Variants in PCDH9 observed in about 807,000 individuals in gnomAD.
PCDH9 encodes protocadherin 9, also known as protocadherin-9.
In PCDH9, 24 loss-of-function variants were observed where a neutral mutation model predicts 70.6. The ratio of observed to expected loss-of-function variants is 0.34; its 90% CI spans 0.25 to 0.48. The LOEUF (loss-of-function observed/expected upper bound fraction) is 0.48. PCDH9 is among the 20% of genes least tolerant of loss of function. The pLI, the probability that PCDH9 is intolerant of heterozygous loss-of-function variation, is 0.99. For missense variants in PCDH9, 1,281 were observed against 1,503.6 expected, an observed-to-expected ratio of 0.85 and a Z score of 2.45; for synonymous variants, 562 against 558.5, an observed-to-expected ratio of 1.01 and a Z score of -0.09.
At chr13:66,933,651 C>T (rs1259459178) in intron 2 of PCDH9, among the ~76,000 whole-genome samples, 1 of 152,092 alleles carries the variant, frequency 6.6e-6, no homozygotes, top group Admixed American at 6.6e-5. Context: ...CTTTTTCTGT[C>T]AAGACAAAAT....
chr13:66,688,962 G>GA (rs2078444091), intron 3 of PCDH9, among the ~76,000 whole-genome samples: 2 of 152,120 alleles, frequency 1.3e-5, no homozygotes, highest in African/African-American at 4.8e-5. Flanking sequence ...AGCTGTGTAG[G>GA]AAAAATCTAT....
At chr13:66,637,318 T>C (rs1475397235) in intron 3 of PCDH9, among the ~76,000 whole-genome samples, 1 of 152,206 alleles carries the variant, frequency 6.6e-6, no homozygotes, top group Non-Finnish European at 1.5e-5. Flanking sequence ...ACTTCATTCA[T>C]GTTTGAAAGA....
chr13:66,949,011 A>G (rs2083135222), intron 2 of PCDH9, among the ~76,000 whole-genome samples: 1 of 152,118 alleles, frequency 6.6e-6, no homozygotes, highest in African/African-American at 2.4e-5. Context: ...TTAAAAGGAA[A>G]AAAAAAACTT....
chr13:66,390,824 T>G (rs1957005200), intron 4 of PCDH9, among the ~76,000 whole-genome samples: 1 of 152,138 alleles, frequency 6.6e-6, no homozygotes, highest in Admixed American at 6.6e-5. Flanking sequence ...AGAATCTGTA[T>G]GATAAGCATA....
At chr13:67,176,592 A>G (rs995269457) in intron 2 of PCDH9, among the ~76,000 whole-genome samples, 1 of 152,132 alleles carries the variant, frequency 6.6e-6, no homozygotes, top group East Asian at 1.9e-4. Flanking sequence ...CTAAAGTCCT[A>G]CAGAGCTTCA....
chr13:66,543,457 C>G (rs1421145366), intron 4 of PCDH9, among the ~76,000 whole-genome samples: 1 of 151,754 alleles, frequency 6.6e-6, no homozygotes, highest in East Asian at 1.9e-4. Context: ...ACCCCAGCTA[C>G]TTGGGAGGCT....
chr13:66,866,109 A>G (rs1327587998), intron 3 of PCDH9, among the ~76,000 whole-genome samples: 5 of 152,222 alleles, frequency 3.3e-5, no homozygotes, highest in African/African-American at 9.6e-5. Context: ...TGTGCACACA[A>G]TATTTGTTGA....
At chr13:67,171,002 G>A (rs1433414713) in intron 2 of PCDH9, among the ~76,000 whole-genome samples, 1 of 152,054 alleles carries the variant, frequency 6.6e-6, no homozygotes, top group Non-Finnish European at 1.5e-5. Flanking sequence ...GAAAAATATG[G>A]TCATCCTATC....
At chr13:66,564,492 T>TA (rs928022356) in intron 4 of PCDH9, among the ~76,000 whole-genome samples, 2 of 152,144 alleles carry the variant, frequency 1.3e-5, no homozygotes, top group Non-Finnish European at 2.9e-5. Context: ...AATGGCTTGG[T>TA]AAAAAATTTA....
chr13:66,388,235 A>G (rs1956962678), intron 4 of PCDH9, among the ~76,000 whole-genome samples: 1 of 152,228 alleles, frequency 6.6e-6, no homozygotes, highest in African/African-American at 2.4e-5. Flanking sequence ...ATTTATATTT[A>G]TGAAACTGTA....
chr13:66,601,799 G>A (rs2077168956), intron 4 of PCDH9, among the ~76,000 whole-genome samples: 1 of 145,664 alleles, frequency 6.9e-6, no homozygotes, highest in Admixed American at 6.9e-5. Flanking sequence ...GTGATGTCAT[G>A]GCCATAATAA....
At chr13:66,792,899 G>C (rs760015908) in intron 3 of PCDH9, among the ~76,000 whole-genome samples, 3 of 151,616 alleles carry the variant, frequency 2.0e-5, no homozygotes, top group Non-Finnish European at 4.4e-5. Flanking sequence ...AGTTACTATA[G>C]TGTATTGATA....
chr13:66,814,307 A>T (rs1264527925), intron 3 of PCDH9, among the ~76,000 whole-genome samples: 1 of 152,126 alleles, frequency 6.6e-6, no homozygotes, highest in Non-Finnish European at 1.5e-5. Context: ...CTGCAGCTTA[A>T]TTTTTTATTT....
chr13:66,983,516 GCTTTA>G (rs1442353968), intron 2 of PCDH9, among the ~76,000 whole-genome samples: 2 of 152,118 alleles, frequency 1.3e-5, no homozygotes, highest in African/African-American at 4.8e-5. Context: ...ATTATTCACT[GCTTTA>G]CTTTATCCTT....
Position 66,903,615 on chromosome 13 carries a change from AT to A in PCDH9, c.3037-11del. 2 of 1,192,514 alleles carry A rather than the reference AT, an allele frequency of 1.7e-6. No homozygotes were observed. The highest frequency in any genetic ancestry group is 2.5e-6 in the Non-Finnish European group (2 of 800,754). The allele number at this position is 1,192,514 out of a possible 1,614,324, so 73.9% of individuals were successfully genotyped here. On this transcript the variant is annotated splice_polypyrimidine_tract_variant and intron_variant, in intron 2 of 4. Transcript: ENST00000377865. ...TGCTGTGTGAGTTACACTGAAAGAG[AT>A]TACCAAATAATTGTGACAAACTACT... is the stretch of plus-strand genomic sequence containing the variant.
At chr13:66,757,738 T>A (rs1227079214) in intron 3 of PCDH9, among the ~76,000 whole-genome samples, 2 of 152,128 alleles carry the variant, frequency 1.3e-5, no homozygotes, top group African/African-American at 4.8e-5. Flanking sequence ...TTATTCGATA[T>A]CTTCATATGC....
At chr13:66,717,641 T>G (rs1222805082) in intron 3 of PCDH9, among the ~76,000 whole-genome samples, 4 of 151,752 alleles carry the variant, frequency 2.6e-5, no homozygotes, top group Non-Finnish European at 5.9e-5. Flanking sequence ...GCAGACCGCC[T>G]TTAACATTGC....
intron 4 of PCDH9, among the ~76,000 whole-genome samples, chr13:66,553,435 A>G (rs1961586148): frequency 6.6e-6 from 1 of 152,228 alleles, no homozygotes; most frequent in South Asian, 2.1e-4. Flanking sequence ...ACTCACATAT[A>G]TACCATATGT....
intron 3 of PCDH9, among the ~76,000 whole-genome samples, chr13:66,716,807 A>T (rs1191300786): frequency 6.6e-6 from 1 of 152,208 alleles, no homozygotes; most frequent in African/African-American, 2.4e-5. Context: ...GAAGCTAAGA[A>T]GCTTAAGCTT....
Sources: allele counts gnomAD v4.1 joint callset (sites outside exome capture counted in the v4.1 genomes callset), GRCh38; gene constraint gnomAD v4.1.1; transcripts MANE v1.5; gene names NCBI Gene and HGNC (gene_info 2026-07-23, HGNC 2026-07-21).